The following ITPR3 variants were observed in gnomAD, a reference collection of about 807,000 sequenced individuals.
ITPR3 encodes inositol 1,4,5-trisphosphate receptor type 3.
In ITPR3, 173 loss-of-function variants were observed where a neutral mutation model predicts 293.2. The ratio of observed to expected loss-of-function variants is 0.59; its 90% confidence interval spans 0.52 to 0.67. The LOEUF is 0.67. Among genes scored for constraint, ITPR3 ranks in the 30% least tolerant of loss-of-function variants. ITPR3 has a pLI of 0.00. For missense variants in ITPR3, 2,796 were observed against 3,592.1 expected (o/e 0.78, Z 5.66); for synonymous variants, 1,295 against 1,444.4 (o/e 0.90, Z 2.35).
chr6:33,642,883 G>A (rs1361869473), intron 2 of ITPR3, among the ~76,000 whole-genome samples: 1 of 152,238 alleles, frequency 6.6e-6, no homozygotes, highest in Non-Finnish European at 1.5e-5. Context: ...GGTGAGGTGG[G>A]TAGAGGCCCC....
rs1293299123 is a variant in ITPR3, at chr6:33,664,718, A to C, written c.1149-152A>C. ...GTTCTTATCTGGCTTCAGCCTCCTCATCTGGAGGGGCACCAGTGGCTCCTG... is the reference window on the plus strand; with the variant it reads ...GTTCTTATCTGGCTTCAGCCTCCTCCTCTGGAGGGGCACCAGTGGCTCCTG... On this transcript the variant is annotated intron_variant, in intron 11 of 57. Transcript: ENST00000605930. This position sits in a 1 kb window ranked among gnomAD's most constrained non-coding sequence, Gnocchi z 4.4. 1 of 680,106 alleles carries C rather than the reference A, an allele frequency of 1.5e-6. No homozygotes were observed. The highest frequency in any genetic ancestry group is 2.7e-5 in the East Asian group (1 of 36,808). 42.1% of individuals were successfully genotyped at this position (680,106 alleles called of 1,614,324 possible). A position where few individuals can be genotyped will look rare whatever the true frequency, so the allele number is the denominator to read the frequency against.
At chr6:33,690,641 A>G (rs1177514741) in intron 51 of ITPR3, among the ~76,000 whole-genome samples, 1 of 152,222 alleles carries the variant, frequency 6.6e-6, no homozygotes, top group Non-Finnish European at 1.5e-5. Flanking sequence ...TGCAGCAAGT[A>G]CATTTTAAGA....
chr6:33,675,478 G>A lies in ITPR3; in HGVS notation c.3117-213G>A, dbSNP rs1764880346. Among the ~76,000 whole-genome samples, 1 of 151,618 alleles carries A rather than the reference G, an allele frequency of 6.6e-6. No individual in the cohort carries two copies. Among genetic ancestry groups the A allele is most frequent in the Non-Finnish European group, 1.5e-5 (1 of 67,976 alleles). On this transcript the variant is annotated intron_variant, in intron 24 of 57. Transcript: ENST00000605930. This position sits in a 1 kb window ranked among gnomAD's most constrained non-coding sequence, Gnocchi z 5.0. ...CAGTTGCTTAATCAAGGGGAGTCCC[G>A]AGAGATCCCAGGAGACACGGGTCAC...
chr6:33,642,965 A>T (rs1454444701), intron 2 of ITPR3, among the ~76,000 whole-genome samples: 1 of 151,904 alleles, frequency 6.6e-6, no homozygotes, highest in Admixed American at 6.5e-5. Flanking sequence ...GCCTCCGTAC[A>T]CCCTTTGGCT....
intron 1 of ITPR3, among the ~76,000 whole-genome samples, chr6:33,623,359 C>T (rs1236268378): frequency 7.6e-6 from 1 of 131,658 alleles, no homozygotes; most frequent in Non-Finnish European, 1.6e-5. Context: ...CAAGGTCTCA[C>T]TTTCTCACTC....
chr6:33,687,889 G>A lies in ITPR3; in HGVS notation c.6265-168G>A, dbSNP rs373042876. 2.6e-5 allele frequency among the ~76,000 whole-genome samples: 4 copies of A among 152,166 alleles called. No individual in the cohort carries two copies. The South Asian group carries it at 8.3e-4, about 31-fold the overall frequency. ...CCCACTCCCCTCCCTTTGGCACCAG[G>A]TTCTCAAGGCTCAGTCCTAGTTGGG... On this transcript the variant is annotated intron_variant, in intron 46 of 57. Transcript: ENST00000605930. The surrounding 1 kb of genome is among the most constrained non-coding windows in gnomAD (Gnocchi z 5.3).
Position 33,677,594 on chromosome 6 carries a change from G to T in ITPR3, c.3613G>T (p.Val1205Phe). 1 of 1,613,998 alleles carries T rather than the reference G, an allele frequency of 6.2e-7. No individual in the cohort carries two copies. Among genetic ancestry groups the T allele is most frequent in the Non-Finnish European group, 8.5e-7 (1 of 1,179,940 alleles). ...GCTGAAGAACATGGATGCCCACAAG[G>T]TCATGCTGGACCTGCTGCAGATCCC... ...RLLKNMDAHK[V>F]MLDLLQIPYD... The change falls in exon 28 of 58, where the codon GTC becomes TTC. Residue 1205 changes from valine (V) to phenylalanine (F), a missense_variant. By Grantham distance (50) the Val-to-Phe change is conservative. Around this residue, in one of 8 missense-constraint regions of ITPR3, gnomAD observed 344 missense variants for 460.3 expected, o/e 0.75. Coordinates refer to ENST00000605930, the MANE Select transcript of ITPR3 (RefSeq NM_002224.4).
Position 33,623,321 on chromosome 6 carries a change from G to GTTTTTTTTTTTTTT in ITPR3, c.89+1634_89+1635insTTTTTTTTTTTTTT, listed in dbSNP as rs150420581. Among the ~76,000 whole-genome samples the GTTTTTTTTTTTTTT allele has an allele frequency of 1.7e-5, 2 of 118,266 alleles. 1 individual carries two copies. The allele number at this position is 118,266 out of a possible 152,430, so 77.6% of individuals were successfully genotyped here. A position where few individuals can be genotyped will look rare whatever the true frequency, so the allele number is the denominator to read the frequency against. ...CATGATGATTTTCAAGTGCCTGTGA[G>GTTTTTTTTTTTTTT]TTTTGTTTTTTTTTTTTTTTTTTAA... On this transcript the variant is annotated intron_variant, in intron 1 of 57. Transcript: ENST00000605930.
At position 33,684,181 on chromosome 6, in the gene ITPR3, C is replaced by G. The variant is rs1765159774; in HGVS notation, c.4937+13C>G. The G allele has an allele frequency of 1.9e-6, 3 of 1,609,154 alleles. No homozygotes were observed. Among genetic ancestry groups the G allele is most frequent in the African/African-American group, 2.7e-5 (2 of 74,786 alleles). On this transcript the variant is annotated intron_variant, in intron 36 of 57. Transcript: ENST00000605930. This position sits in a 1 kb window ranked among gnomAD's most constrained non-coding sequence, Gnocchi z 4.2. ...GCTTCCTGTCCAAGTGAGCGAGACA[C>G]TGGGGCATGGGGGCAGCAGGGGTGC...
In ITPR3 at chr6:33,694,926, CA is replaced by C; in HGVS notation, c.7790del (p.Lys2597ArgfsTer37). 6.2e-7 allele frequency: 1 copy of C among 1,614,104 alleles called. No individual in the cohort carries two copies. Among genetic ancestry groups the C allele is most frequent in the Non-Finnish European group, 8.5e-7 (1 of 1,180,022 alleles). ...ESYVAQMIKN[K>X]NLDWFPRMRA... ...AACCCACTGGTGATGTTTTTCAGAA[CA>C]AGAACCTGGACTGGTTCCCCCGGAT... On this transcript the variant is annotated frameshift_variant, in exon 57 of 58. Coordinates refer to ENST00000605930, the MANE Select transcript of ITPR3 (RefSeq NM_002224.4). LOFTEE classifies it high-confidence loss of function.
chr6:33,630,309 G>A (rs989789850), intron 1 of ITPR3, among the ~76,000 whole-genome samples: 2 of 152,178 alleles, frequency 1.3e-5, no homozygotes, highest in Non-Finnish European at 2.9e-5. Flanking sequence ...AGAGCTCTGC[G>A]GAGGTTTGGA....
rs1014028113 is a variant in ITPR3 at position 33,672,842 on chromosome 6, G to C, written c.2928+614G>C. On this transcript the variant is annotated intron_variant, in intron 22 of 57. Coordinates refer to ENST00000605930, the MANE Select transcript of ITPR3 (RefSeq NM_002224.4). The surrounding 1 kb of genome is among the most constrained non-coding windows in gnomAD (Gnocchi z 5.0). ...TAAGAACCTATTTCTTGGCAAGGTG[G>C]ATGCAGTCATCCCTGTTGTGGTCTC... Among the ~76,000 whole-genome samples the C allele has an allele frequency of 3.9e-5, 6 of 152,134 alleles. No homozygotes were observed. Among genetic ancestry groups the C allele is most frequent in the Non-Finnish European group, 5.9e-5 (4 of 68,026 alleles).
chr6:33,694,767 G>T, intron 56 of ITPR3, 157 bp from the exon 57 acceptor site: 1 of 900,054 alleles, frequency 1.1e-6, no homozygotes, highest in South Asian at 1.5e-5. Context: ...CTGGCCCCGG[G>T]GAGGACCAGG....
At position 33,687,507 on chromosome 6, in the gene ITPR3, C is replaced by G; in HGVS notation, c.6207C>G (p.His2069Gln). 1 of 1,612,548 alleles carries G rather than the reference C, an allele frequency of 6.2e-7. No homozygotes were observed. Among genetic ancestry groups the G allele is most frequent in the Non-Finnish European group, 8.5e-7 (1 of 1,179,820 alleles). ...CCAGGCACAATAAACAGCTGCAGCA[C>G]CTGCTGAAGCCGGTGAAGCGCATTC... is the stretch of plus-strand genomic sequence containing the variant. Reference protein sequence around the residue: ...QLSRHNKQLQHLLKPVKRIQE... With the variant: ...QLSRHNKQLQQLLKPVKRIQE... The change falls in exon 46 of 58, where the codon CAC becomes CAG. Residue 2069 changes from histidine (H) to glutamine (Q), a missense_variant. This residue lies in a region of ITPR3 where 704 missense variants were observed against 797.5 expected (regional missense o/e 0.88). Coordinates refer to ENST00000605930, the MANE Select transcript of ITPR3 (RefSeq NM_002224.4). This position sits in a 1 kb window ranked among gnomAD's most constrained non-coding sequence, Gnocchi z 5.3.
In ITPR3 at chr6:33,683,028, A is replaced by G. The variant is rs1399519486; in HGVS notation, c.4598-179A>G. On this transcript the variant is annotated intron_variant, in intron 34 of 57. Transcript: ENST00000605930. This position sits in a 1 kb window ranked among gnomAD's most constrained non-coding sequence, Gnocchi z 4.5. The stretch of plus-strand genomic sequence containing the variant: ...AAAGAGGCAGAAACTCCTTTTACCC[A>G]ACAAGGGGAAGAAAGCCTCTCAGTC... Among the ~76,000 whole-genome samples, 1 of 150,202 alleles carries G rather than the reference A, an allele frequency of 6.7e-6. No individual in the cohort carries two copies. The highest frequency in any genetic ancestry group is 2.4e-5 in the African/African-American group (1 of 40,856).
rs1255794964 is a variant in ITPR3, at chr6:33,669,123, A to G, written c.2156A>G (p.Asn719Ser). 23 of 1,613,928 alleles carry G rather than the reference A, an allele frequency of 1.4e-5. No homozygotes were observed. The highest frequency in any genetic ancestry group is 1.8e-5 in the Non-Finnish European group (21 of 1,180,002). ...RQLAQEARAGNAHDENVLSYY... is the reference protein window; with the variant it reads ...RQLAQEARAGSAHDENVLSYY... The stretch of plus-strand genomic sequence containing the variant: ...CTGGCCCAGGAGGCGCGGGCCGGCA[A>G]CGCCCACGACGAGAATGTGCTCAGC... The change falls in exon 18 of 58, where the codon AAC becomes AGC. Residue 719 changes from asparagine to serine, a missense_variant. Asn to Ser is a conservative substitution (Grantham distance 46). Around this residue, in one of 8 missense-constraint regions of ITPR3, gnomAD observed 955 missense variants for 1,180.8 expected, o/e 0.81. Transcript: ENST00000605930.
In ITPR3 at chr6:33,672,525, C is replaced by T. The variant is rs7739348; in HGVS notation, c.2928+297C>T. ...CTTGAGCTCAGAGTTCAAGACCTGC[C>T]TGGGTGAGACCCCGTCTCTATTAAA... On this transcript the variant is annotated intron_variant, in intron 22 of 57. Coordinates refer to ENST00000605930, the MANE Select transcript of ITPR3 (RefSeq NM_002224.4). This position sits in a 1 kb window ranked among gnomAD's most constrained non-coding sequence, Gnocchi z 5.0. 1.3e-4 allele frequency among the ~76,000 whole-genome samples: 20 copies of T among 151,992 alleles called. No homozygotes were observed. The highest frequency in any genetic ancestry group is 4.8e-4 in the African/African-American group (20 of 41,340).
Position 33,691,494 on chromosome 6 carries a change from AGTG to A in ITPR3, c.7226-119_7226-117del. ...TGATGACCCTTCACTGTGGCTGGACAGTGGAGGGCTGGCGATCCAGGACCAGGG... is the reference window on the plus strand; with the variant it reads ...TGATGACCCTTCACTGTGGCTGGACAGAGGGCTGGCGATCCAGGACCAGGG... On this transcript the variant is annotated intron_variant, in intron 52 of 57. Coordinates refer to ENST00000605930, the MANE Select transcript of ITPR3 (RefSeq NM_002224.4). This position sits in a 1 kb window ranked among gnomAD's most constrained non-coding sequence, Gnocchi z 4.9. 1.3e-6 allele frequency: 1 copy of A among 777,970 alleles called. No homozygotes were observed. The highest frequency in any genetic ancestry group is 2.1e-6 in the Non-Finnish European group (1 of 469,948). The allele number at this position is 777,970 out of a possible 1,614,324, so 48.2% of individuals were successfully genotyped here. A position where few individuals can be genotyped will look rare whatever the true frequency, so the allele number is the denominator to read the frequency against.
chr6:33,694,749 A>T, intron 56 of ITPR3, 175 bp from the exon 57 acceptor site: 1 of 737,280 alleles, frequency 1.4e-6, no homozygotes, highest in Non-Finnish European at 2.2e-6. Flanking sequence ...GTTGACTGCC[A>T]GCTCACTCTG....
Sources: gnomAD v4.1 joint callset for allele counts (sites outside exome capture counted in the v4.1 genomes callset) on GRCh38, gnomAD v4.1.1 for gene constraint, gnomAD v4.1.1 regional missense constraint, Gnocchi (gnomAD v3.1) non-coding constraint, MANE v1.5 for transcripts, NCBI Gene and HGNC (gene_info 2026-07-23, HGNC 2026-07-21) for gene names.